Variants in STAT4 observed in about 807,000 individuals in gnomAD.
The protein encoded by STAT4 is signal transducer and activator of transcription 4.
Under a neutral mutation model 110.5 loss-of-function variants are expected in STAT4, and 42 were observed. The observed-to-expected ratio is 0.38, with a 90% CI of 0.30 to 0.49. The LOEUF (loss-of-function observed/expected upper bound fraction) is 0.49, where lower values mean the gene tolerates loss of function less well. STAT4 is among the 20% of genes least tolerant of loss of function. The pLI, the probability that STAT4 is intolerant of heterozygous loss-of-function variation, is 0.95. For missense variants in STAT4, 632 were observed against 887.9 expected (o/e 0.71, Z 3.66); for synonymous variants, 284 against 302.2 (o/e 0.94, Z 0.63).
At chr2:191,105,126 T>C (rs1456617567) in intron 3 of STAT4, among the ~76,000 whole-genome samples, 1 of 152,234 alleles carries the variant, frequency 6.6e-6, no homozygotes, top group East Asian at 1.9e-4. Context: ...CTGTGATAGA[T>C]AACTAGCTGG....
chr2:191,142,246 C>T lies in STAT4; in HGVS notation c.273+4367G>A, dbSNP rs1353603088. On this transcript the variant is annotated intron_variant, in intron 3 of 23. Transcript: ENST00000392320. The surrounding 1 kb of genome is among the most constrained non-coding windows in gnomAD (Gnocchi z 4.1). The stretch of plus-strand genomic sequence containing the variant: ...ATATATATACACACACACACACATG[C>T]ATACACACATATAATAGAATACTAT... Among the ~76,000 whole-genome samples the T allele has an allele frequency of 3.3e-5, 5 of 151,470 alleles. No individual in the cohort carries two copies. Among genetic ancestry groups the T allele is most frequent in the African/African-American group, 1.2e-4 (5 of 41,000 alleles).
intron 3 of STAT4, among the ~76,000 whole-genome samples, chr2:191,121,159 A>C (rs1574175810): frequency 2.0e-5 from 3 of 152,370 alleles, no homozygotes; most frequent in African/African-American, 7.2e-5. Context: ...CAGCCAACAG[A>C]CACGTGAAAA....
In STAT4 at chr2:191,066,323, A is replaced by T. The variant is rs1696984867; in HGVS notation, c.630+107T>A. 4.1e-6 allele frequency: 4 copies of T among 987,378 alleles called. No individual in the cohort carries two copies. The highest frequency in any genetic ancestry group is 6.1e-6 in the Non-Finnish European group (4 of 652,676). 61.2% of individuals were successfully genotyped at this position (987,378 alleles called of 1,614,324 possible). Reference sequence around the variant, plus strand: ...TAGAAACCTTGCCGTTTCTTCATTCAGTAAATGGAACTGATAAAATCTGAC... The same window carrying T: ...TAGAAACCTTGCCGTTTCTTCATTCTGTAAATGGAACTGATAAAATCTGAC... On this transcript the variant is annotated intron_variant, in intron 7 of 23. Transcript: ENST00000392320. The surrounding 1 kb of genome is among the most constrained non-coding windows in gnomAD (Gnocchi z 4.3).
chr2:191,096,031 A>C (rs1382257794), intron 3 of STAT4, among the ~76,000 whole-genome samples: 1 of 152,220 alleles, frequency 6.6e-6, no homozygotes. Context: ...GAAATGGATA[A>C]ATTCCTTGAC....
rs1697337889 is a variant in STAT4 at position 191,077,127 on chromosome 2, A to G, written c.274-802T>C. 6.6e-6 allele frequency among the ~76,000 whole-genome samples: 1 copy of G among 152,226 alleles called. No individual in the cohort carries two copies. Among genetic ancestry groups the G allele is most frequent in the Non-Finnish European group, 1.5e-5 (1 of 68,040 alleles). ...AGCAACTATATTTTTATGACATCTAAGCATATACATCTTTTATTACCAAGG... is the reference window on the plus strand; with the variant it reads ...AGCAACTATATTTTTATGACATCTAGGCATATACATCTTTTATTACCAAGG... On this transcript the variant is annotated intron_variant, in intron 3 of 23. Coordinates refer to ENST00000392320, the MANE Select transcript of STAT4 (RefSeq NM_003151.4). The surrounding 1 kb of genome is among the most constrained non-coding windows in gnomAD (Gnocchi z 4.1).
At position 191,030,163 on chromosome 2, in the gene STAT4, T is replaced by C. The variant is rs1695846899; in HGVS notation, c.2221-297A>G. ...AAATGTTCAGTTAGACATAAATAAC[T>C]TGACGATTTAAGGGAACTAACATTA... On this transcript the variant is annotated intron_variant, in intron 23 of 23. Transcript: ENST00000392320. This position sits in a 1 kb window ranked among gnomAD's most constrained non-coding sequence, Gnocchi z 4.4. Among the ~76,000 whole-genome samples the C allele has an allele frequency of 1.3e-5, 2 of 152,218 alleles. No individual in the cohort carries two copies. The highest frequency in any genetic ancestry group is 4.1e-4 in the South Asian group (2 of 4,826).
chr2:191,102,993 GTTTC>G (rs1431085940), intron 3 of STAT4, among the ~76,000 whole-genome samples: 7 of 152,060 alleles, frequency 4.6e-5, no homozygotes, highest in Non-Finnish European at 1.0e-4. Context: ...TTCTACTCCT[GTTTC>G]TTTCTTTCTC....
chr2:191,094,902 C>A, intron 3 of STAT4, among the ~76,000 whole-genome samples: 4 of 90,342 alleles, frequency 4.4e-5, no homozygotes, highest in Admixed American at 1.4e-4. Context: ...GAAGATCTAC[C>A]AAGCAAATGG....
intron 3 of STAT4, among the ~76,000 whole-genome samples, chr2:191,141,578 T>C (rs1235780249): frequency 2.2e-4 from 30 of 136,662 alleles, no homozygotes; most frequent in African/African-American, 7.8e-4. Flanking sequence ...ATGATATATA[T>C]ACATATACAT....
Position 191,113,817 on chromosome 2 carries a change from G to A in STAT4, c.273+32796C>T, listed in dbSNP as rs1240282838. On this transcript the variant is annotated intron_variant, in intron 3 of 23. Transcript: ENST00000392320. The surrounding 1 kb of genome is among the most constrained non-coding windows in gnomAD (Gnocchi z 4.8). ...CTTTTTGTACAGGGAGTACTCCCAA[G>A]AGTAGCAGAGAACATTACAGAAATG... Among the ~76,000 whole-genome samples, 2 of 152,168 alleles carry A rather than the reference G, an allele frequency of 1.3e-5. No homozygotes were observed. The highest frequency in any genetic ancestry group is 3.9e-4 in the East Asian group (2 of 5,194).
chr2:191,141,555 A>T (rs1003146257), intron 3 of STAT4, among the ~76,000 whole-genome samples: 15 of 146,592 alleles, frequency 1.0e-4, no homozygotes, highest in African/African-American at 3.2e-4. Flanking sequence ...ATATATTTTT[A>T]TATATACCAT....
rs894866606 is a variant in STAT4, at chr2:191,042,451, C to T, written c.1252-1303G>A. 3.9e-5 allele frequency among the ~76,000 whole-genome samples: 6 copies of T among 152,092 alleles called. No individual in the cohort carries two copies. Among genetic ancestry groups the T allele is most frequent in the African/African-American group, 1.4e-4 (6 of 41,414 alleles). On this transcript the variant is annotated intron_variant, in intron 14 of 23. Transcript: ENST00000392320. The surrounding 1 kb of genome is among the most constrained non-coding windows in gnomAD (Gnocchi z 4.2). ...AACCGTTTGTAATGGGAAGATAGTG[C>T]TTAGATACTGATTTGAACAAACCAA...
At chr2:191,096,207 C>T (rs1408688316) in intron 3 of STAT4, among the ~76,000 whole-genome samples, 1 of 152,166 alleles carries the variant, frequency 6.6e-6, no homozygotes, top group Non-Finnish European at 1.5e-5. Flanking sequence ...GGAGCTGGTA[C>T]CATTCCTTCT....
At position 191,077,486 on chromosome 2, in the gene STAT4, C is replaced by G. The variant is rs550219790; in HGVS notation, c.274-1161G>C. On this transcript the variant is annotated intron_variant, in intron 3 of 23. Coordinates refer to ENST00000392320, the MANE Select transcript of STAT4 (RefSeq NM_003151.4). The surrounding 1 kb of genome is among the most constrained non-coding windows in gnomAD (Gnocchi z 4.1). ...TGCATTTATTTAGTTTCCCTCAGCC[C>G]TCCTCCCTGAAGCTGGTGTGAATAT... Among the ~76,000 whole-genome samples, 3 of 152,198 alleles carry G rather than the reference C, an allele frequency of 2.0e-5. No homozygotes were observed. The highest frequency in any genetic ancestry group is 7.2e-5 in the African/African-American group (3 of 41,536).
chr2:191,048,613 CAA>C (rs199894325), intron 14 of STAT4, among the ~76,000 whole-genome samples: 175 of 135,348 alleles, frequency 1.3e-3, no homozygotes, highest in African/African-American at 4.0e-3. Flanking sequence ...CCGTCTCTAC[CAA>C]AAAAAAAAAA....
chr2:191,108,015 G>A (rs1239869740), intron 3 of STAT4, among the ~76,000 whole-genome samples: 1 of 152,082 alleles, frequency 6.6e-6, no homozygotes, highest in East Asian at 1.9e-4. Context: ...TGTTGGCCGG[G>A]TGCGGGGGCT....
In STAT4 at chr2:191,062,584, T is replaced by C. The variant is rs1242210607; in HGVS notation, c.941+178A>G. Reference sequence around the variant, plus strand: ...AGCCAGTTGGTGAGAGAAGTGTTGATGAATAAATAGTGAAGAGTAGAAATG... The same window carrying C: ...AGCCAGTTGGTGAGAGAAGTGTTGACGAATAAATAGTGAAGAGTAGAAATG... On this transcript the variant is annotated intron_variant, in intron 9 of 23. Coordinates refer to ENST00000392320, the MANE Select transcript of STAT4 (RefSeq NM_003151.4). This position sits in a 1 kb window ranked among gnomAD's most constrained non-coding sequence, Gnocchi z 4.9. 2.0e-5 allele frequency among the ~76,000 whole-genome samples: 3 copies of C among 152,176 alleles called. No individual in the cohort carries two copies. The highest frequency in any genetic ancestry group is 4.4e-5 in the Non-Finnish European group (3 of 68,014).
rs778192508 is a variant in STAT4, at chr2:191,069,717, T to C, written c.520A>G (p.Arg174Gly). Residue 174 changes from arginine (R) to glycine (G), a missense_variant, in exon 6 of 24, where the codon AGG (arginine) becomes GGG (glycine). Transcript: ENST00000392320. ...CCCATTGTCTGAATTGTTTTATACCTGTAGTCAAATTCGTCTTGCAGATCT... is the reference window on the plus strand; with the variant it reads ...CCCATTGTCTGAATTGTTTTATACCCGTAGTCAAATTCGTCTTGCAGATCT... ...LEDLQDEFDY[R>G]YKTIQTMDQS... 1 of 1,609,996 alleles carries C rather than the reference T, an allele frequency of 6.2e-7. No homozygotes were observed. The highest frequency in any genetic ancestry group is 1.1e-5 in the South Asian group (1 of 90,164).
intron 3 of STAT4, among the ~76,000 whole-genome samples, chr2:191,136,288 G>A (rs1396897496): frequency 1.3e-5 from 2 of 152,182 alleles, no homozygotes; most frequent in East Asian, 1.9e-4. Flanking sequence ...ACATCATACT[G>A]AATAAGAAAA....
Sources: gnomAD v4.1 joint callset for allele counts (sites outside exome capture counted in the v4.1 genomes callset) on GRCh38, gnomAD v4.1.1 for gene constraint, Gnocchi (gnomAD v3.1) non-coding constraint, MANE v1.5 for transcripts, NCBI Gene and HGNC (gene_info 2026-07-23, HGNC 2026-07-21) for gene names.